The following GPC2 variants were observed in gnomAD, a reference collection of about 807,000 sequenced individuals.
The protein encoded by GPC2 is glypican-2.
Under a neutral mutation model 57.3 loss-of-function variants are expected in GPC2, and 42 were observed. The ratio of observed to expected loss-of-function variants is 0.73; its 90% CI spans 0.57 to 0.95. The LOEUF (loss-of-function observed/expected upper bound fraction) is 0.95. GPC2 is among the 40% of genes least tolerant of loss of function. The pLI, the probability that GPC2 is intolerant of heterozygous loss-of-function variation, is 0.00. For synonymous variants in GPC2, 364 were observed against 343.4 expected, an observed-to-expected ratio of 1.06 and a Z score of -0.66; for missense variants, 745 against 793.6, an observed-to-expected ratio of 0.94 and a Z score of 0.74.
chr7:100,172,781 G>A (rs1220206205), intron 5 of GPC2, among the ~76,000 whole-genome samples: 1 of 133,890 alleles, frequency 7.5e-6, no homozygotes, highest in African/African-American at 2.6e-5. Flanking sequence ...ATATGTGTGT[G>A]TATATATATA....
chr7:100,175,614 A>G lies in GPC2; in HGVS notation c.606T>C (p.Ser202=). 6.2e-7 allele frequency: 1 copy of G among 1,613,692 alleles called. No individual in the cohort carries two copies. The highest frequency in any genetic ancestry group is 8.5e-7 in the Non-Finnish European group (1 of 1,179,812). ...GGGGTGAGTCCCCAAAGGGCTGCAG[A>G]GAGCCATCGGTAGATGAGGCCAAGC... ...LSRLASSTDG[S]LQPFGDSPRR... is the part of the protein sequence containing the mutation. Residue 202 remains serine, a synonymous_variant, in exon 3 of 10, where the codon TCT becomes TCC. Coordinates refer to ENST00000292377, the MANE Select transcript of GPC2 (RefSeq NM_152742.3).
At position 100,171,196 on chromosome 7, in the gene GPC2, C is replaced by T. The variant is rs1799169683; in HGVS notation, c.1486+65G>A. 7.2e-7 allele frequency: 1 copy of T among 1,380,330 alleles called. No individual in the cohort carries two copies. Among genetic ancestry groups the T allele is most frequent in the South Asian group, 1.4e-5 (1 of 71,616 alleles). 85.5% of individuals were successfully genotyped at this position (1,380,330 alleles called of 1,614,324 possible). A position where few individuals can be genotyped will look rare whatever the true frequency, so the allele number is the denominator to read the frequency against. On this transcript the variant is annotated intron_variant, in intron 9 of 9. Coordinates refer to ENST00000292377, the MANE Select transcript of GPC2 (RefSeq NM_152742.3). This position sits in a 1 kb window ranked among gnomAD's most constrained non-coding sequence, Gnocchi z 4.8. ...AGAGCAGAGGCACGGGCGGGAACTA[C>T]CAGGAGAGGGGAGAGGCTTCAGGGC... is the stretch of plus-strand genomic sequence containing the variant.
chr7:100,172,039 A>G lies in GPC2; in HGVS notation c.1023+48T>C, dbSNP rs772653835. ...CCCCTATACTGCCTCTCTGACACCC[A>G]CACCGTCCCCGCCCCGGGCCTCACC... On this transcript the variant is annotated intron_variant, in intron 6 of 9. Coordinates refer to ENST00000292377, the MANE Select transcript of GPC2 (RefSeq NM_152742.3). 5.6e-6 allele frequency: 9 copies of G among 1,604,214 alleles called. No individual in the cohort carries two copies. The Admixed American group carries it at 1.5e-4, about 27-fold the overall frequency.
intron 2 of GPC2, 112 bp from the exon 3 acceptor site, chr7:100,176,006 C>A: frequency 1.1e-6 from 1 of 931,500 alleles, no homozygotes; most frequent in South Asian, 1.6e-5. Flanking sequence ...ACAAGTGAAT[C>A]AGAAACTGAG....
In GPC2 at chr7:100,171,349, C is replaced by T. The variant is rs780370106; in HGVS notation, c.1398G>A (p.Pro466=). Residue 466 remains proline (P), a synonymous_variant, in exon 9 of 10, where the codon CCG becomes CCA. Coordinates refer to ENST00000292377, the MANE Select transcript of GPC2 (RefSeq NM_152742.3). The surrounding 1 kb of genome is among the most constrained non-coding windows in gnomAD (Gnocchi z 4.8). The stretch of plus-strand genomic sequence containing the variant: ...GGAGCTGTAGCCGACGCCGCCGTGT[C>T]GGGACATCGGGGCCCGAGGCGTCCA... The part of the protein sequence containing the change: ...LKVDASGPDV[P]TRRRRLQLRA... 8.4e-6 allele frequency: 13 copies of T among 1,545,334 alleles called. No homozygotes were observed. The East Asian group carries it at 2.8e-4, about 33-fold the overall frequency.
Position 100,170,244 on chromosome 7 carries a change from G to A in GPC2, c.1726C>T (p.Leu576Phe). The change falls in exon 10 of 10, where the codon CTT (leucine) becomes TTT (phenylalanine). Residue 576 changes from leucine to phenylalanine, a missense_variant. Coordinates refer to ENST00000292377, the MANE Select transcript of GPC2 (RefSeq NM_152742.3). ...LILSLSALAL[L>F]GPR ...CCCCTCCCCCGTTATCGAGGTCCAA[G>A]CAGGGCCAGGGCTGAGAGGGAGAGA... The A allele has an allele frequency of 1.3e-6, 2 of 1,559,326 alleles. 1 individual carries two copies.
rs1432700452 is a variant in GPC2, at chr7:100,176,326, C to T, written c.206G>A (p.Cys69Tyr). 2.5e-6 allele frequency: 4 copies of T among 1,613,992 alleles called. No homozygotes were observed. The highest frequency in any genetic ancestry group is 1.7e-5 in the Admixed American group (1 of 60,000). ...CAGCCTCTGCTCTGTCTCACTGGAA[C>T]AGCAGGTGTACTCCTGGGGACAGAC... is the stretch of plus-strand genomic sequence containing the variant. ...LRVCPQEYTC[C>Y]SSETEQRLIR... The change falls in exon 2 of 10, where the codon TGT (cysteine) becomes TAT (tyrosine). Residue 69 changes from cysteine to tyrosine, a missense_variant. By Grantham distance (194) the Cys-to-Tyr change is radical (BLOSUM62 -2). Around this residue, in one of 2 missense-constraint regions of GPC2, gnomAD observed 138 missense variants for 189.8 expected, o/e 0.73. Transcript: ENST00000292377.
chr7:100,171,568 C>T lies in GPC2; in HGVS notation c.1281G>A (p.Ala427=), dbSNP rs1455744555. ...CCCGCCCGGCTCCGGTCCAGCAGGG[C>T]GCCGCCTCCAGCGAGGCGTCCGCTG... ...RMAADASLEA[A]PCWTGAGRGR... The change falls in exon 8 of 10, where the codon GCG becomes GCA. Residue 427 remains alanine (A), a synonymous_variant. Coordinates refer to ENST00000292377, the MANE Select transcript of GPC2 (RefSeq NM_152742.3). This position sits in a 1 kb window ranked among gnomAD's most constrained non-coding sequence, Gnocchi z 4.8. The T allele has an allele frequency of 6.7e-7, 1 of 1,495,798 alleles. No homozygotes were observed. Among genetic ancestry groups the T allele is most frequent in the Admixed American group, 2.3e-5 (1 of 44,380 alleles). The allele number at this position is 1,495,798 out of a possible 1,614,324, so 92.7% of individuals were successfully genotyped here.
At chr7:100,172,781 GTATATATATACGTATATATATGTGTGTA>G (rs1200503856) in intron 5 of GPC2, among the ~76,000 whole-genome samples, 1 of 133,890 alleles carries the variant, frequency 7.5e-6, no homozygotes, top group East Asian at 2.4e-4. Flanking sequence ...ATATGTGTGT[GTATATATATACGTATATATATGTGTGTA>G]TATATATACG....
At chr7:100,174,480 A>T in intron 4 of GPC2, 3 of 661,602 alleles carry the variant, frequency 4.5e-6, no homozygotes, top group Non-Finnish European at 8.3e-6. Flanking sequence ...AGAGGGGAGG[A>T]GGGGGTCAGA....
Position 100,176,350 on chromosome 7 carries a change from A to G in GPC2, c.182T>C (p.Val61Ala). The change falls in exon 2 of 10, where the codon GTC becomes GCC. Residue 61 changes from valine (V) to alanine (A), a missense_variant. By Grantham distance (64) the Val-to-Ala change is moderately conservative (BLOSUM62 0). Around this residue, in one of 2 missense-constraint regions of GPC2, gnomAD observed 138 missense variants for 189.8 expected, o/e 0.73. Coordinates refer to ENST00000292377, the MANE Select transcript of GPC2 (RefSeq NM_152742.3). ...PALISGEHLRVCPQEYTCCSS... is the reference protein window; with the variant it reads ...PALISGEHLRACPQEYTCCSS... ...ACAGCAGGTGTACTCCTGGGGACAG[A>G]CCCGGAGGTGCTCACCTGGACAGAG... 6.2e-7 allele frequency: 1 copy of G among 1,613,802 alleles called. No homozygotes were observed. Among genetic ancestry groups the G allele is most frequent in the Non-Finnish European group, 8.5e-7 (1 of 1,179,864 alleles).
At position 100,171,788 on chromosome 7, in the gene GPC2, C is replaced by T; in HGVS notation, c.1161G>A (p.Leu387=). 6.4e-7 allele frequency: 1 copy of T among 1,568,914 alleles called. No homozygotes were observed. The highest frequency in any genetic ancestry group is 8.6e-7 in the Non-Finnish European group (1 of 1,166,356). Residue 387 remains leucine (L), a synonymous_variant, in exon 7 of 10, where the codon CTG becomes CTA. Transcript: ENST00000292377. This position sits in a 1 kb window ranked among gnomAD's most constrained non-coding sequence, Gnocchi z 4.8. The part of the protein sequence containing the change: ...ERPTTAAGTN[L]HRLVWELRER... ...TGGTCATCCCACGCACCAGCCGGTG[C>T]AGGTTGGTGCCTGCGGCCGTCGTGG...
Position 100,173,815 on chromosome 7 carries a change from G to A in GPC2, c.892+20C>T, listed in dbSNP as rs561831458. Reference sequence around the variant, plus strand: ...TGTGAGCCACCATGCCTGGCTCCAGGCTTTCTTGAATCCCCTCACCCAGAT... The same window carrying A: ...TGTGAGCCACCATGCCTGGCTCCAGACTTTCTTGAATCCCCTCACCCAGAT... On this transcript the variant is annotated intron_variant, in intron 5 of 9. Coordinates refer to ENST00000292377, the MANE Select transcript of GPC2 (RefSeq NM_152742.3). The A allele has an allele frequency of 2.0e-6, 3 of 1,510,118 alleles. No individual in the cohort carries two copies. In the South Asian group the frequency reaches 3.9e-5, roughly 20 times the overall value. 93.5% of individuals were successfully genotyped at this position (1,510,118 alleles called of 1,614,324 possible). A position where few individuals can be genotyped will look rare whatever the true frequency, so the allele number is the denominator to read the frequency against.
intron 4 of GPC2, 170 bp downstream of exon 4, chr7:100,174,515 G>A (rs771624544): frequency 1.4e-6 from 1 of 696,466 alleles, no homozygotes; most frequent in Non-Finnish European, 2.6e-6. Flanking sequence ...GACCATTGGA[G>A]GTTTCACTCC....
At chr7:100,176,527 C>T (rs180676626) in intron 1 of GPC2, among the ~76,000 whole-genome samples, 162 bp from the exon 2 acceptor site, 4 of 152,292 alleles carry the variant, frequency 2.6e-5, no homozygotes, top group African/African-American at 7.2e-5. Context: ...ACCTTATTGT[C>T]TCCTGACCCA....
At chr7:100,172,283 A>G in intron 5 of GPC2, 66 bp from the exon 6 acceptor site, 1 of 1,551,766 alleles carries the variant, frequency 6.4e-7, no homozygotes, top group South Asian at 1.1e-5. Context: ...ATGTTCCTGA[A>G]AATCCTCACT....
intron 4 of GPC2, chr7:100,174,431 T>C (rs1799235172): frequency 3.4e-6 from 2 of 582,518 alleles, no homozygotes; most frequent in Non-Finnish European, 3.1e-6. Context: ...GCTATGGAGA[T>C]GAGCAGGCCC....
intron 1 of GPC2, 148 bp downstream of exon 1, chr7:100,176,886 G>A: frequency 3.3e-6 from 2 of 613,170 alleles, no homozygotes; most frequent in Non-Finnish European, 5.4e-6. Context: ...ATCCCGGTAA[G>A]GAAGTTACAG....
Position 100,172,148 on chromosome 7 carries a change from C to A in GPC2, c.962G>T (p.Gly321Val), listed in dbSNP as rs1273118512. 1 of 1,614,022 alleles carries A rather than the reference C, an allele frequency of 6.2e-7. No individual in the cohort carries two copies. Among genetic ancestry groups the A allele is most frequent in the Admixed American group, 1.7e-5 (1 of 60,006 alleles). ...FSFELTAESI[G>V]VKISEGLMYL... Reference sequence around the variant, plus strand: ...CATCAAACCCTCCGAGATCTTCACCCCAATGGACTCGGCCGTCAGCTCAAA... The same window carrying A: ...CATCAAACCCTCCGAGATCTTCACCACAATGGACTCGGCCGTCAGCTCAAA... Residue 321 changes from glycine to valine, a missense_variant, in exon 6 of 10, where the codon GGG becomes GTG. Around this residue, in one of 2 missense-constraint regions of GPC2, gnomAD observed 607 missense variants for 603.9 expected, o/e 1.01. Transcript: ENST00000292377.
Sources: allele counts gnomAD v4.1 joint callset (sites outside exome capture counted in the v4.1 genomes callset), GRCh38; gene constraint gnomAD v4.1.1; regional missense constraint gnomAD v4.1.1; non-coding constraint Gnocchi (gnomAD v3.1); transcripts MANE v1.5; gene names NCBI Gene and HGNC (gene_info 2026-07-23, HGNC 2026-07-21).